SLCO1A2: variants seen among roughly 807,000 people sequenced by gnomAD.
The protein encoded by SLCO1A2 is solute carrier organic anion transporter family member 1A2, also known as OATP-1.
Under a neutral mutation model 69.0 loss-of-function variants are expected in SLCO1A2, and 67 were observed. The observed-to-expected ratio is 0.97, with a 90% confidence interval of 0.80 to 1.19. The LOEUF (loss-of-function observed/expected upper bound fraction) is 1.19, where lower values mean the gene tolerates loss of function less well. Ranked by LOEUF, SLCO1A2 falls within the 50% of genes most tolerant of loss-of-function variation. The pLI, the probability that SLCO1A2 is intolerant of heterozygous loss-of-function variation, is 0.00. For synonymous variants in SLCO1A2, 260 were observed against 265.9 expected (o/e 0.98, Z 0.22); for missense variants, 787 against 793.7 (o/e 0.99, Z 0.10).
rs539446488 is a variant in SLCO1A2 at position 21,373,536 on chromosome 12, A to G, written c.-63+863T>C. On this transcript the variant is annotated intron_variant, in intron 2 of 15. Transcript: ENST00000307378. ...ACAGCCTTAGATTTCTGACTATATC[A>G]TACTTAAGAACAGTACCTTCAGCTA... 2.9e-5 allele frequency: 23 copies of G among 806,648 alleles called. No homozygotes were observed. In the African/African-American group the frequency reaches 3.5e-4, roughly 12 times the overall value. The allele number at this position is 806,648 out of a possible 1,614,324, so 50.0% of individuals were successfully genotyped here.
At chr12:21,309,570 T>C (rs1037178449) in intron 4 of SLCO1A2, among the ~76,000 whole-genome samples, 6 of 152,178 alleles carry the variant, frequency 3.9e-5, no homozygotes, top group Admixed American at 3.9e-4. Flanking sequence ...CAATCTAGAA[T>C]TTTATCCAAG....
At chr12:21,417,846 G>A (rs1317036248) in intron 1 of SLCO1A2, 2 of 152,098 alleles carry the variant, frequency 1.3e-5, no homozygotes, top group Non-Finnish European at 2.9e-5. Flanking sequence ...AAAATGTAAG[G>A]AGAGTCAAAT....
chr12:21,278,140 C>T (rs1452662353), intron 12 of SLCO1A2, among the ~76,000 whole-genome samples: 1 of 151,962 alleles, frequency 6.6e-6, no homozygotes, highest in Non-Finnish European at 1.5e-5. Flanking sequence ...GTGGTGGTGG[C>T]CATGGGGTGG....
At chr12:21,339,692 A>G (rs1953004311), upstream of SLCO1A2, among the ~76,000 whole-genome samples, 1 of 151,952 alleles carries the variant, frequency 6.6e-6, no homozygotes, top group South Asian at 2.1e-4. Flanking sequence ...CAAAGGCTAT[A>G]TCAGAAAAGG....
intron 2 of SLCO1A2, chr12:21,373,349 G>A: frequency 1.2e-6 from 2 of 1,607,754 alleles, no homozygotes; most frequent in Non-Finnish European, 8.5e-7. Context: ...AATTTGAGAA[G>A]CAATGGGCAT....
chr12:21,308,983 A>C (rs530579439), intron 4 of SLCO1A2, among the ~76,000 whole-genome samples: 1 of 152,360 alleles, frequency 6.6e-6, no homozygotes, highest in South Asian at 2.1e-4. Flanking sequence ...GAGACCAAGA[A>C]GAAAGATGAA....
At position 21,405,586 on chromosome 12, in the gene SLCO1A2, G is replaced by C. The variant is rs2110163; in HGVS notation, c.-312+12296C>G. On this transcript the variant is annotated intron_variant, in intron 1 of 4. Coordinates refer to the SLCO1A2 transcript ENST00000413682. The stretch of plus-strand genomic sequence containing the variant: ...GTACTGGTACAAAAACAGACACATC[G>C]ACCAAGGAACAGAAAAGAGATCTCA... Among the ~76,000 whole-genome samples, 237 of 152,130 alleles carry C rather than the reference G, an allele frequency of 1.6e-3. 3 individuals are homozygous for C. The East Asian group carries it at 0.041, about 26-fold the overall frequency.
At chr12:21,361,509 C>G (rs1938880145) in intron 2 of SLCO1A2, among the ~76,000 whole-genome samples, 1 of 152,108 alleles carries the variant, frequency 6.6e-6, no homozygotes, top group African/African-American at 2.4e-5. Flanking sequence ...AGCTCCTTGC[C>G]AGTAATGGAA....
chr12:21,363,520 G>A (rs1310065672), intron 2 of SLCO1A2, among the ~76,000 whole-genome samples: 1 of 152,124 alleles, frequency 6.6e-6, no homozygotes, highest in Admixed American at 6.5e-5. Flanking sequence ...TCAAAAGCTA[G>A]CAGAAGGCAA....
At chr12:21,348,600 T>A (rs1014134146) in intron 2 of SLCO1A2, among the ~76,000 whole-genome samples, 5 of 152,180 alleles carry the variant, frequency 3.3e-5, no homozygotes, top group African/African-American at 4.8e-5. Flanking sequence ...CTCCCTTTTT[T>A]AAAAAGGGTT....
chr12:21,378,292 G>A (rs1200804343), intron 1 of SLCO1A2: 1 of 1,614,184 alleles, frequency 6.2e-7, no homozygotes, highest in Non-Finnish European at 8.5e-7. Context: ...GCAGCGCCTG[G>A]CAAATTTTTT....
intron 2 of SLCO1A2, among the ~76,000 whole-genome samples, chr12:21,328,290 G>C (rs1020398657): frequency 6.6e-6 from 1 of 152,196 alleles, no homozygotes; most frequent in African/African-American, 2.4e-5. Flanking sequence ...ATGGGAAAGA[G>C]AAGAGAAATG....
At chr12:21,274,134 G>A (rs1943376174) in intron 14 of SLCO1A2, 2 of 164,096 alleles carry the variant, frequency 1.2e-5, no homozygotes, top group Admixed American at 6.2e-5. Flanking sequence ...AGGATAAAAT[G>A]AGAGCCTTTA....
chr12:21,306,835 T>C (rs1259673155), intron 5 of SLCO1A2, 47 bp downstream of exon 5: 1 of 1,216,326 alleles, frequency 8.2e-7, no homozygotes. Context: ...AGAAAGTGTT[T>C]AGTTATAAGT....
chr12:21,313,669 C>T (rs1001007691), intron 4 of SLCO1A2, among the ~76,000 whole-genome samples: 1 of 151,984 alleles, frequency 6.6e-6, no homozygotes, highest in African/African-American at 2.4e-5. Context: ...CGGGAGATGG[C>T]GCCACTGCAC....
intron 1 of SLCO1A2, among the ~76,000 whole-genome samples, chr12:21,382,364 C>A (rs995307750): frequency 1.3e-5 from 2 of 152,056 alleles, no homozygotes; most frequent in African/African-American, 2.4e-5. Flanking sequence ...AATAAAGAAC[C>A]ATCAGTCAGA....
chr12:21,392,293 AAGT>A (rs953408386), intron 1 of SLCO1A2, among the ~76,000 whole-genome samples: 3 of 152,164 alleles, frequency 2.0e-5, no homozygotes, highest in African/African-American at 7.2e-5. Context: ...AAGAGCCCCA[AAGT>A]AGCTCTGGGT....
At chr12:21,339,018 T>A (rs1471636465), upstream of SLCO1A2, among the ~76,000 whole-genome samples, 1 of 152,022 alleles carries the variant, frequency 6.6e-6, no homozygotes, top group Non-Finnish European at 1.5e-5. Context: ...ATTCCTCATC[T>A]CTGATATTGA....
intron 12 of SLCO1A2, among the ~76,000 whole-genome samples, chr12:21,277,882 A>G (rs1944154774): frequency 6.6e-6 from 1 of 152,018 alleles, no homozygotes; most frequent in Admixed American, 6.6e-5. Flanking sequence ...GGGTCTGGTA[A>G]TATTCTGTGG....
Sources: allele counts gnomAD v4.1 joint callset (sites outside exome capture counted in the v4.1 genomes callset), GRCh38; gene constraint gnomAD v4.1.1; transcripts MANE v1.5; gene names NCBI Gene and HGNC (gene_info 2026-07-23, HGNC 2026-07-21).